SLC24A2: variants seen among roughly 807,000 people sequenced by gnomAD.
SLC24A2 encodes solute carrier family 24 member 2, also known as sodium/potassium/calcium exchanger 2.
SLC24A2 carries 36 observed loss-of-function variants against 62.0 expected under a neutral mutation model. The observed-to-expected ratio is 0.58, with a 90% CI of 0.44 to 0.77. The LOEUF (loss-of-function observed/expected upper bound fraction) is 0.77. SLC24A2 is among the 30% of genes least tolerant of loss of function. The probability of loss-of-function intolerance (pLI) is 0.00; values close to 1 mark genes in which losing one functional copy is unlikely to be tolerated. For synonymous variants in SLC24A2, 358 were observed against 294.0 expected (o/e 1.22, Z -2.23); for missense variants, 846 against 817.9 (o/e 1.03, Z -0.42).
chr9:19,636,315 T>TTTCCTTTC (rs1554690361), intron 2 of SLC24A2, among the ~76,000 whole-genome samples: 5 of 40,320 alleles, frequency 1.2e-4, no homozygotes, highest in East Asian at 7.6e-4. Flanking sequence ...TTTTCTTTTC[T>TTTCCTTTC]TTTCTTTCTT....
the SLC24A2 span, among the ~76,000 whole-genome samples, chr9:20,095,913 T>C: frequency 6.6e-6 from 1 of 152,016 alleles, no homozygotes; most frequent in East Asian, 1.9e-4. Context: ...AATCATCAGA[T>C]CTTGTGAGAC....
At chr9:20,034,641 T>G in the SLC24A2 span, among the ~76,000 whole-genome samples, 1 of 152,020 alleles carries the variant, frequency 6.6e-6, no homozygotes, top group Non-Finnish European at 1.5e-5. Context: ...TAATTTTTTT[T>G]GTATTTTTAG....
chr9:19,521,112 T>G, intron 9 of SLC24A2, 52 bp from the exon 10 acceptor site: 1 of 1,576,524 alleles, frequency 6.3e-7, no homozygotes, highest in Non-Finnish European at 8.7e-7. Flanking sequence ...TACAAAATCA[T>G]AAAAATCACA....
At chr9:20,176,729 T>C in the SLC24A2 span, among the ~76,000 whole-genome samples, 4 of 152,130 alleles carry the variant, frequency 2.6e-5, no homozygotes, top group African/African-American at 9.7e-5. Flanking sequence ...AAACGTTGAC[T>C]TTCATGTCTA....
intron 8 of SLC24A2, among the ~76,000 whole-genome samples, chr9:19,547,697 C>G (rs1247096933): frequency 6.6e-6 from 1 of 151,534 alleles, no homozygotes; most frequent in Admixed American, 6.5e-5. Flanking sequence ...CTCTCATCAA[C>G]CAATCTGCCC....
chr9:19,558,097 C>T (rs1445574096), intron 7 of SLC24A2, among the ~76,000 whole-genome samples: 1 of 152,166 alleles, frequency 6.6e-6, no homozygotes, highest in African/African-American at 2.4e-5. Context: ...GCTACTGTTC[C>T]AGGCCTCACA....
chr9:19,740,681 T>C (rs1821647967), intron 2 of SLC24A2, among the ~76,000 whole-genome samples: 1 of 152,182 alleles, frequency 6.6e-6, no homozygotes, highest in African/African-American at 2.4e-5. Context: ...ACATCTGGAA[T>C]TATTTATGAA....
At chr9:19,790,184 C>T (rs1376816926), upstream of SLC24A2, among the ~76,000 whole-genome samples, 1 of 152,138 alleles carries the variant, frequency 6.6e-6, no homozygotes, top group African/African-American at 2.4e-5. Flanking sequence ...CATCCTCCAG[C>T]CTCAGACTCC....
chr9:20,117,726 T>G, the SLC24A2 span, among the ~76,000 whole-genome samples: 1 of 152,166 alleles, frequency 6.6e-6, no homozygotes, highest in African/African-American at 2.4e-5. Flanking sequence ...GTCCATACTA[T>G]TTCCCCTTTA....
the SLC24A2 span, among the ~76,000 whole-genome samples, chr9:20,133,650 A>G: frequency 6.6e-6 from 1 of 152,194 alleles, no homozygotes; most frequent in Non-Finnish European, 1.5e-5. Flanking sequence ...CAAAAGTTTC[A>G]TTTACTTCAT....
chr9:20,293,594 C>G, the SLC24A2 span, among the ~76,000 whole-genome samples: 1 of 151,262 alleles, frequency 6.6e-6, no homozygotes, highest in African/African-American at 2.5e-5. Flanking sequence ...AAGGGGATGG[C>G]AGAGCCTTCT....
the SLC24A2 span, among the ~76,000 whole-genome samples, chr9:20,198,381 G>C: frequency 1.5e-3 from 231 of 152,296 alleles, 1 homozygote; most frequent in African/African-American, 5.1e-3. Context: ...TGGTTTTAGA[G>C]GGAAGCTCTT....
the SLC24A2 span, among the ~76,000 whole-genome samples, chr9:19,819,086 A>G: frequency 6.6e-6 from 1 of 152,140 alleles, no homozygotes; most frequent in African/African-American, 2.4e-5. Flanking sequence ...AAACACAGAC[A>G]TAAAGTGGGG....
intron 2 of SLC24A2, among the ~76,000 whole-genome samples, chr9:19,623,310 C>T (rs1403516519): frequency 2.6e-5 from 4 of 152,164 alleles, no homozygotes; most frequent in Non-Finnish European, 4.4e-5. Context: ...GCCTTCTGGT[C>T]CTCCCCATTA....
At chr9:19,758,301 C>T (rs1822207321) in intron 2 of SLC24A2, among the ~76,000 whole-genome samples, 1 of 152,124 alleles carries the variant, frequency 6.6e-6, no homozygotes, top group South Asian at 2.1e-4. Context: ...AGGCTTTTTG[C>T]CTGAACTAAG....
At chr9:19,974,740 A>G in the SLC24A2 span, among the ~76,000 whole-genome samples, 5 of 152,228 alleles carry the variant, frequency 3.3e-5, no homozygotes, top group South Asian at 4.1e-4. Flanking sequence ...GGATCCTTCT[A>G]GAGCACACAT....
chr9:20,259,984 T>A, the SLC24A2 span, among the ~76,000 whole-genome samples: 1 of 152,122 alleles, frequency 6.6e-6, no homozygotes, highest in East Asian at 1.9e-4. Context: ...CCCAGGAGGC[T>A]GAGGTTGGAG....
chr9:19,571,066 CT>C (rs1331235336), intron 7 of SLC24A2, among the ~76,000 whole-genome samples: 1 of 152,212 alleles, frequency 6.6e-6, no homozygotes, highest in African/African-American at 2.4e-5. Flanking sequence ...AGATGTCCCT[CT>C]GTCAGCCAGA....
the SLC24A2 span, among the ~76,000 whole-genome samples, chr9:19,975,602 G>C: frequency 6.6e-6 from 1 of 152,172 alleles, no homozygotes; most frequent in Non-Finnish European, 1.5e-5. Context: ...GAAAGTGCCA[G>C]GCGTATAGTA....
Sources: gnomAD v4.1 joint callset for allele counts (sites outside exome capture counted in the v4.1 genomes callset) on GRCh38, gnomAD v4.1.1 for gene constraint, MANE v1.5 for transcripts, NCBI Gene and HGNC (gene_info 2026-07-23, HGNC 2026-07-21) for gene names.